GPR176: variants seen among roughly 807,000 people sequenced by gnomAD.
The protein encoded by GPR176 is G-protein coupled receptor 176.
GPR176 carries 26 observed loss-of-function variants against 35.4 expected under a neutral mutation model. The ratio of observed to expected loss-of-function variants is 0.74; its 90% confidence interval spans 0.54 to 1.02. GPR176 has a LOEUF of 1.02. GPR176 is among the 50% of genes least tolerant of loss of function. The probability of loss-of-function intolerance (pLI) is 0.00; values close to 1 mark genes in which losing one functional copy is unlikely to be tolerated. For missense variants in GPR176, 597 were observed against 665.3 expected, an observed-to-expected ratio of 0.90 and a Z score of 1.13; for synonymous variants, 278 against 271.3, an observed-to-expected ratio of 1.02 and a Z score of -0.24.
chr15:39,802,174 T>C lies in GPR176; in HGVS notation c.506A>G (p.His169Arg), dbSNP rs1308650752. 1.9e-6 allele frequency: 3 copies of C among 1,614,098 alleles called. No individual in the cohort carries two copies. The highest frequency in any genetic ancestry group is 2.5e-6 in the Non-Finnish European group (3 of 1,179,922). Reference sequence around the variant, plus strand: ...CACAGGGACACTGGCCACCACTGCATGGGCCCAGATGTACATCACCAGTTC... The same window carrying C: ...CACAGGGACACTGGCCACCACTGCACGGGCCCAGATGTACATCACCAGTTC... ...SRELVMYIWA[H>R]AVVASVPVFA... is the part of the protein sequence containing the mutation. Residue 169 changes from histidine to arginine, a missense_variant, in exon 3 of 3, where the codon CAT (histidine) becomes CGT (arginine). Physicochemically the swap from His to Arg is conservative, Grantham distance 29 (BLOSUM62 0). Coordinates refer to ENST00000561100, the MANE Select transcript of GPR176 (RefSeq NM_007223.3).
intron 1 of GPR176, among the ~76,000 whole-genome samples, chr15:39,837,680 T>C (rs1901486214): frequency 6.6e-6 from 1 of 152,120 alleles, no homozygotes; most frequent in African/African-American, 2.4e-5. Context: ...AAGCCAGGCA[T>C]CTTACATACA....
intron 1 of GPR176, among the ~76,000 whole-genome samples, chr15:39,873,474 G>C (rs536276005): frequency 6.6e-6 from 1 of 152,110 alleles, no homozygotes; most frequent in Non-Finnish European, 1.5e-5. Context: ...GGATATCACA[G>C]GCCAAGATGA....
At chr15:39,917,428 C>T (rs1296665524) in intron 1 of GPR176, among the ~76,000 whole-genome samples, 12 of 149,884 alleles carry the variant, frequency 8.0e-5, no homozygotes, top group South Asian at 2.2e-4. Flanking sequence ...CTAAGTCTCC[C>T]GGGTTCTAGC....
intron 1 of GPR176, among the ~76,000 whole-genome samples, chr15:39,881,822 C>T (rs2032487111): frequency 6.6e-6 from 1 of 152,178 alleles, no homozygotes; most frequent in Non-Finnish European, 1.5e-5. Context: ...GTGAATCTCA[C>T]TCTAGTACAA....
intron 1 of GPR176, among the ~76,000 whole-genome samples, chr15:39,820,181 C>T (rs925084576): frequency 2.0e-5 from 3 of 152,032 alleles, no homozygotes; most frequent in Non-Finnish European, 4.4e-5. Flanking sequence ...GGAGTGTTTG[C>T]GCAGTGAGGA....
At chr15:39,902,363 T>A (rs191763794) in intron 1 of GPR176, among the ~76,000 whole-genome samples, 1 of 152,228 alleles carries the variant, frequency 6.6e-6, no homozygotes, top group East Asian at 1.9e-4. Context: ...ACAAGAAAAA[T>A]GATTTGACAC....
intron 1 of GPR176, among the ~76,000 whole-genome samples, chr15:39,908,228 C>T (rs545144397): frequency 6.6e-6 from 1 of 152,296 alleles, no homozygotes; most frequent in Non-Finnish European, 1.5e-5. Context: ...CTTCCACTGG[C>T]AGGCTTTATG....
rs777982928 is a variant in GPR176 at position 39,801,412 on chromosome 15, G to T, written c.1268C>A (p.Pro423Gln). 16 of 1,614,094 alleles carry T rather than the reference G, an allele frequency of 9.9e-6. No individual in the cohort carries two copies. The highest frequency in any genetic ancestry group is 3.3e-5 in the Admixed American group (2 of 60,016). Residue 423 changes from proline to glutamine, a missense_variant, in exon 3 of 3, where the codon CCA becomes CAA. Coordinates refer to ENST00000561100, the MANE Select transcript of GPR176 (RefSeq NM_007223.3). ...TACAGAGTCCACTGTGCTCAGGGGT[G>T]GGGCAGAGGGCGCAAACTGTGGCCC... ...EQGPQFAPSA[P>Q]PLSTVDSVSQ...
At chr15:39,908,690 C>A (rs1474108312) in intron 1 of GPR176, among the ~76,000 whole-genome samples, 1 of 152,112 alleles carries the variant, frequency 6.6e-6, no homozygotes, top group Admixed American at 6.5e-5. Context: ...CTCACCCTCA[C>A]CTCTGCTTCT....
At chr15:39,825,136 G>A (rs765885289) in intron 1 of GPR176, among the ~76,000 whole-genome samples, 29 of 152,204 alleles carry the variant, frequency 1.9e-4, no homozygotes, top group African/African-American at 5.3e-4. Flanking sequence ...GAGACCAGGA[G>A]GCCAGGGCCT....
Position 39,801,661 on chromosome 15 carries a change from T to C in GPR176, c.1019A>G (p.His340Arg), listed in dbSNP as rs1162537995. The change falls in exon 3 of 3, where the codon CAC becomes CGC. Residue 340 changes from histidine to arginine, a missense_variant. His to Arg is a conservative substitution (Grantham distance 29, BLOSUM62 0). Coordinates refer to ENST00000561100, the MANE Select transcript of GPR176 (RefSeq NM_007223.3). ...GACCACATTACGGCGACTGTACCGG[T>C]GGTGTAGTTGCACCAGGGTCCCTAT... ...CLIGTLVQLH[H>R]RYSRRNVVST... 1.9e-6 allele frequency: 3 copies of C among 1,613,742 alleles called. No individual in the cohort carries two copies. In the Admixed American group the frequency reaches 5.0e-5, roughly 27 times the overall value.
chr15:39,802,143 T>C lies in GPR176; in HGVS notation c.537A>G (p.Ala179=). The change falls in exon 3 of 3, where the codon GCA becomes GCG. Residue 179 remains alanine, a synonymous_variant. Coordinates refer to ENST00000561100, the MANE Select transcript of GPR176 (RefSeq NM_007223.3). ...HAVVASVPVF[A]VTNVADIYAT... ...CATAGATGTCAGCCACATTGGTTAC[T>C]GCAAACACAGGGACACTGGCCACCA... 3 of 1,614,176 alleles carry C rather than the reference T, an allele frequency of 1.9e-6. No individual in the cohort carries two copies. The highest frequency in any genetic ancestry group is 2.5e-6 in the Non-Finnish European group (3 of 1,180,022).
intron 1 of GPR176, among the ~76,000 whole-genome samples, chr15:39,855,218 C>T (rs2031136384): frequency 6.6e-6 from 1 of 152,164 alleles, no homozygotes; most frequent in South Asian, 2.1e-4. Flanking sequence ...CCATGTATTA[C>T]AATGACAAAG....
chr15:39,865,121 C>A (rs2031775094), intron 1 of GPR176, among the ~76,000 whole-genome samples: 1 of 152,080 alleles, frequency 6.6e-6, no homozygotes, highest in Admixed American at 6.5e-5. Context: ...ATGAGTATAA[C>A]CTCTATGGAA....
chr15:39,832,654 A>AACACACACACACACACACACACAC (rs112693906), intron 1 of GPR176, among the ~76,000 whole-genome samples: 1 of 145,126 alleles, frequency 6.9e-6, no homozygotes, highest in Non-Finnish European at 1.5e-5. Context: ...TGATGAGCTA[A>AACACACACACACACACACACACAC]ACACACACAC....
rs569051401 is a variant in GPR176 at position 39,874,974 on chromosome 15, G to A, written c.172+44881C>T. Among the ~76,000 whole-genome samples the A allele has an allele frequency of 4.6e-5, 7 of 152,308 alleles. No individual in the cohort carries two copies. The South Asian group carries it at 6.2e-4, about 14-fold the overall frequency. ...ATGAGATCACTTGAACCTGGGAGGC[G>A]TGGTTTGTGGTGAGCCAAGATCGCG... On this transcript the variant is annotated intron_variant, in intron 1 of 2. Coordinates refer to ENST00000561100, the MANE Select transcript of GPR176 (RefSeq NM_007223.3).
At chr15:39,890,122 C>T (rs2032818412) in intron 1 of GPR176, among the ~76,000 whole-genome samples, 1 of 151,958 alleles carries the variant, frequency 6.6e-6, no homozygotes, top group African/African-American at 2.4e-5. Context: ...TTTTTAGAGC[C>T]TACGAAAATC....
At chr15:39,824,552 T>C (rs1408042862) in intron 1 of GPR176, among the ~76,000 whole-genome samples, 2 of 152,252 alleles carry the variant, frequency 1.3e-5, no homozygotes, top group African/African-American at 4.8e-5. Flanking sequence ...CAACTATCTC[T>C]GCCAATCTCC....
chr15:39,856,131 A>T (rs1301030157), intron 1 of GPR176, among the ~76,000 whole-genome samples: 1 of 152,180 alleles, frequency 6.6e-6, no homozygotes, highest in Non-Finnish European at 1.5e-5. Flanking sequence ...CAACATCTGG[A>T]CATGGAGGCA....
Sources: gnomAD v4.1 joint callset for allele counts (sites outside exome capture counted in the v4.1 genomes callset) on GRCh38, gnomAD v4.1.1 for gene constraint, MANE v1.5 for transcripts, NCBI Gene and HGNC (gene_info 2026-07-23, HGNC 2026-07-21) for gene names.